NOX3: variants seen among roughly 807,000 people sequenced by gnomAD.
The protein encoded by NOX3 is NADPH oxidase 3, also known as NADPH oxidase catalytic subunit-like 3.
In NOX3, 74 loss-of-function variants were observed where a neutral mutation model predicts 76.7. The observed-to-expected ratio is 0.96, with a 90% CI of 0.80 to 1.17. The LOEUF is 1.17. Among genes scored for constraint, NOX3 ranks in the 50% most tolerant of loss-of-function variants. The pLI, the probability that NOX3 is intolerant of heterozygous loss-of-function variation, is 0.00. For missense variants in NOX3, 695 were observed against 703.3 expected (o/e 0.99, Z 0.13); for synonymous variants, 263 against 261.1 (o/e 1.01, Z -0.07).
intron 12 of NOX3, among the ~76,000 whole-genome samples, chr6:155,398,482 C>T (rs1042629723): frequency 1.5e-4 from 23 of 152,182 alleles, no homozygotes; most frequent in African/African-American, 5.6e-4. Context: ...GTTCCAGGAC[C>T]ATCACATCCA....
At chr6:155,403,327 C>G (rs549029790) in intron 12 of NOX3, among the ~76,000 whole-genome samples, 23 of 152,284 alleles carry the variant, frequency 1.5e-4, no homozygotes, top group African/African-American at 4.6e-4. Context: ...CTTGTCTTTT[C>G]CCAGGGATCT....
intron 13 of NOX3, 86 bp downstream of exon 13, chr6:155,396,723 A>T (rs775751788): frequency 9.4e-7 from 1 of 1,064,122 alleles, no homozygotes; most frequent in Non-Finnish European, 1.3e-6. Context: ...CGGACCATAC[A>T]GTGCATAGAG....
At chr6:155,404,182 T>C (rs549311418) in intron 12 of NOX3, among the ~76,000 whole-genome samples, 111 of 152,048 alleles carry the variant, frequency 7.3e-4, no homozygotes, top group Non-Finnish European at 1.2e-3. Flanking sequence ...AGTTTTCTCA[T>C]ATAAGCTTTT....
chr6:155,401,610 G>A (rs979423873), intron 12 of NOX3, among the ~76,000 whole-genome samples: 6 of 152,086 alleles, frequency 3.9e-5, no homozygotes, highest in African/African-American at 7.2e-5. Flanking sequence ...GTATTTTCAC[G>A]TTTCTGAAAA....
At chr6:155,422,634 A>G (rs1776704746) in intron 10 of NOX3, 60 bp downstream of exon 10, 2 of 1,488,900 alleles carry the variant, frequency 1.3e-6, no homozygotes, top group African/African-American at 2.8e-5. Context: ...GGCAGATGAT[A>G]GATATAAGGA....
At chr6:155,405,395 CAG>C (rs1322176753) in intron 12 of NOX3, among the ~76,000 whole-genome samples, 1 of 152,210 alleles carries the variant, frequency 6.6e-6, no homozygotes, top group Non-Finnish European at 1.5e-5. Flanking sequence ...GACCATCCAA[CAG>C]TGCAGTTCTT....
chr6:155,430,718 A>G, intron 8 of NOX3, 125 bp downstream of exon 8: 1 of 630,568 alleles, frequency 1.6e-6, no homozygotes. Context: ...CAATTATTAG[A>G]ACAGAAGATG....
intron 13 of NOX3, 77 bp from the exon 14 acceptor site, chr6:155,395,651 CTAAACT>C (rs1387432081): frequency 6.6e-6 from 1 of 151,970 alleles, no homozygotes; most frequent in Non-Finnish European, 1.5e-5. Context: ...GTGTCTGGGG[CTAAACT>C]TCAAAACAAT....
chr6:155,448,680 G>C (rs1254357722), intron 4 of NOX3, among the ~76,000 whole-genome samples: 1 of 148,796 alleles, frequency 6.7e-6, no homozygotes, highest in Non-Finnish European at 1.5e-5. Flanking sequence ...GCTACTATTA[G>C]AGCCAGTTGC....
At chr6:155,409,286 T>C (rs1019719623) in intron 11 of NOX3, among the ~76,000 whole-genome samples, 48 of 151,994 alleles carry the variant, frequency 3.2e-4, no homozygotes, top group Admixed American at 2.8e-3. Context: ...CATGGACGTG[T>C]GACTGTGCAC....
chr6:155,434,270 A>G (rs231958), intron 7 of NOX3, among the ~76,000 whole-genome samples: 64,622 of 152,028 alleles, frequency 0.43, 14,399 homozygotes, highest in East Asian at 0.59. Context: ...TAGTAATTAC[A>G]AAGTGTCAGC....
intron 6 of NOX3, among the ~76,000 whole-genome samples, chr6:155,437,149 G>T (rs118145487): frequency 2.0e-5 from 3 of 152,160 alleles, no homozygotes; most frequent in African/African-American, 4.8e-5. Context: ...CCTAATGACC[G>T]GAGCACTGGA....
chr6:155,407,049 C>T, intron 12 of NOX3, 81 bp downstream of exon 12: 4 of 1,482,136 alleles, frequency 2.7e-6, no homozygotes, highest in East Asian at 2.3e-5. Flanking sequence ...TACGGTACTG[C>T]AGATTAACTT....
chr6:155,452,990 C>CTTTTCTT (rs755700414), intron 4 of NOX3, among the ~76,000 whole-genome samples: 2 of 152,144 alleles, frequency 1.3e-5, no homozygotes, highest in African/African-American at 4.8e-5. Flanking sequence ...CATGATCTTT[C>CTTTTCTT]TTTTCTTTTT....
chr6:155,396,949 C>A lies in NOX3; in HGVS notation c.1594G>T (p.Val532Leu), dbSNP rs146500263. Residue 532 changes from valine to leucine, a missense_variant, in exon 13 of 14, where the codon GTG becomes TTG. Coordinates refer to ENST00000159060, the MANE Select transcript of NOX3 (RefSeq NM_015718.3). ...AYNHPSSSIG[V>L]FFCGPKALSR... The stretch of plus-strand genomic sequence containing the variant: ...AGAGCTTTAGGTCCACAGAAGAACA[C>A]GCCAATACTGCTGCTGCAGTAGGGG... 2.5e-6 allele frequency: 4 copies of A among 1,609,850 alleles called. No individual in the cohort carries two copies. In the South Asian group the frequency reaches 3.3e-5, roughly 13 times the overall value.
intron 4 of NOX3, among the ~76,000 whole-genome samples, chr6:155,444,563 T>A (rs1371767353): frequency 1.3e-5 from 2 of 152,188 alleles, no homozygotes; most frequent in African/African-American, 4.8e-5. Flanking sequence ...AAAAACTGTA[T>A]GTGGAAGTTG....
Position 155,411,197 on chromosome 6 carries a change from C to G in NOX3, c.1455+17G>C. On this transcript the variant is annotated intron_variant, in intron 11 of 13. Coordinates refer to ENST00000159060, the MANE Select transcript of NOX3 (RefSeq NM_015718.3). The stretch of plus-strand genomic sequence containing the variant: ...TGAGTTCAGCAATATTGCTTATTCT[C>G]AGAGTCTTATCAGTACCTGATTTTC... The G allele has an allele frequency of 6.2e-7, 1 of 1,609,678 alleles. No homozygotes were observed.
chr6:155,437,118 G>A (rs1776914579), intron 6 of NOX3, among the ~76,000 whole-genome samples: 7 of 152,160 alleles, frequency 4.6e-5, no homozygotes, highest in Admixed American at 4.6e-4. Context: ...GATACATTTA[G>A]GAATGGAAAG....
chr6:155,416,887 A>G (rs147383255), intron 10 of NOX3, among the ~76,000 whole-genome samples: 6,277 of 151,562 alleles, frequency 0.041, 328 homozygotes, highest in African/African-American at 0.12. Context: ...AGTAGCTGGG[A>G]TTACAGGCAC....
Sources: gnomAD v4.1 joint callset for allele counts (sites outside exome capture counted in the v4.1 genomes callset) on GRCh38, gnomAD v4.1.1 for gene constraint, MANE v1.5 for transcripts, NCBI Gene and HGNC (gene_info 2026-07-23, HGNC 2026-07-21) for gene names.